The following MITD1 variants were observed in gnomAD, a reference collection of about 807,000 sequenced individuals.
MITD1 encodes the protein MIT domain-containing protein 1.
MITD1 carries 24 observed loss-of-function variants against 34.9 expected under a neutral mutation model. The observed-to-expected ratio is 0.69, with a 90% CI of 0.50 to 0.97. The LOEUF (loss-of-function observed/expected upper bound fraction) is 0.97, where lower values mean the gene tolerates loss of function less well. MITD1 is among the 50% of genes least tolerant of loss of function. MITD1 has a pLI of 0.00. For missense variants in MITD1, 266 were observed against 294.6 expected, an observed-to-expected ratio of 0.90 and a Z score of 0.71; for synonymous variants, 102 against 101.4, an observed-to-expected ratio of 1.01 and a Z score of -0.04.
chr2:99,166,403 C>G (rs1356547951), downstream of MITD1, among the ~76,000 whole-genome samples: 1 of 148,288 alleles, frequency 6.7e-6, no homozygotes, highest in Non-Finnish European at 1.5e-5. Flanking sequence ...CACTGTTGAC[C>G]TTAGCAAAAA....
At chr2:99,167,958 A>G (rs749308882), downstream of MITD1, among the ~76,000 whole-genome samples, 3 of 152,292 alleles carry the variant, frequency 2.0e-5, no homozygotes, top group Admixed American at 1.3e-4. Context: ...AACAGTGTCC[A>G]AGGCTTGCCC....
chr2:99,163,206 C>A (rs949829040), intron 7 of MITD1: 1 of 577,746 alleles, frequency 1.7e-6, no homozygotes, highest in Non-Finnish European at 2.8e-6. Context: ...ACACAACAAC[C>A]TAGTCTCTTT....
At chr2:99,165,603 A>G (rs1442014424), downstream of MITD1, among the ~76,000 whole-genome samples, 6 of 152,334 alleles carry the variant, frequency 3.9e-5, no homozygotes, top group South Asian at 1.2e-3. Flanking sequence ...TTAGACTTTT[A>G]TAATTCATCT....
intron 7 of MITD1, chr2:99,162,539 G>C: frequency 6.2e-7 from 1 of 1,614,146 alleles, no homozygotes; most frequent in African/African-American, 1.3e-5. Context: ...CTTTGCTAAA[G>C]AGCCCTTACC....
chr2:99,175,728 A>G (rs1435387775), intron 1 of MITD1, among the ~76,000 whole-genome samples: 1 of 152,046 alleles, frequency 6.6e-6, no homozygotes, highest in Admixed American at 6.5e-5. Context: ...GTGGTTTTCT[A>G]TTTCCGTCAT....
chr2:99,176,372 G>A (rs1046697419), intron 1 of MITD1, among the ~76,000 whole-genome samples: 2 of 145,394 alleles, frequency 1.4e-5, no homozygotes, highest in Admixed American at 7.0e-5. Flanking sequence ...TCGCTGTGTT[G>A]CCCAGGCTGG....
exon 8 of MITD1, chr2:99,162,074 T>C (rs775974225): frequency 6.8e-6 from 11 of 1,614,018 alleles, no homozygotes; most frequent in East Asian, 4.5e-5. Flanking sequence ...CAATTTCCAA[T>C]GATGTCTATC....
intron 1 of MITD1, 151 bp downstream of exon 1, chr2:99,180,680 G>A: frequency 1.5e-6 from 1 of 687,756 alleles, no homozygotes; most frequent in Non-Finnish European, 2.6e-6. Flanking sequence ...AAAGAAAGCG[G>A]CCCAGTTGTC....
downstream of MITD1, among the ~76,000 whole-genome samples, chr2:99,166,494 A>AAC (rs1261809664): frequency 6.6e-6 from 1 of 151,352 alleles, no homozygotes; most frequent in African/African-American, 2.4e-5. Context: ...AAGAAAAAAA[A>AAC]AAAAAAAAAC....
downstream of MITD1, chr2:99,161,918 T>C: frequency 2.7e-6 from 4 of 1,488,448 alleles, no homozygotes; most frequent in Middle Eastern, 1.8e-4. Flanking sequence ...ATGTTCCTTT[T>C]CTCGATGAAT....
At chr2:99,172,518 T>C (rs2093864486) in intron 2 of MITD1, 1 of 152,102 alleles carries the variant, frequency 6.6e-6, no homozygotes, top group African/African-American at 2.4e-5. Context: ...ATCAAGAGGA[T>C]AGATCTATTG....
chr2:99,170,188 TTAAG>T (rs906807339), intron 5 of MITD1, among the ~76,000 whole-genome samples: 10 of 152,196 alleles, frequency 6.6e-5, no homozygotes, highest in Admixed American at 1.3e-4. Flanking sequence ...TAAAGCCACA[TTAAG>T]TAAATATTAA....
downstream of MITD1, among the ~76,000 whole-genome samples, chr2:99,165,893 T>G (rs1448740105): frequency 6.6e-6 from 1 of 152,182 alleles, no homozygotes; most frequent in Non-Finnish European, 1.5e-5. Flanking sequence ...CCTGAATTTC[T>G]GGGGTAATGA....
intron 7 of MITD1, chr2:99,162,660 T>C: frequency 1.9e-6 from 3 of 1,614,086 alleles, no homozygotes; most frequent in Non-Finnish European, 2.5e-6. Context: ...TGCTACAGAG[T>C]ATGCTGCTTA....
chr2:99,177,014 C>T (rs1229900918), intron 1 of MITD1, among the ~76,000 whole-genome samples: 2 of 152,108 alleles, frequency 1.3e-5, no homozygotes. Flanking sequence ...TATATACATA[C>T]ATCTATATGT....
At chr2:99,175,269 T>C (rs1051886397) in intron 1 of MITD1, among the ~76,000 whole-genome samples, 1 of 152,230 alleles carries the variant, frequency 6.6e-6, no homozygotes, top group Non-Finnish European at 1.5e-5. Flanking sequence ...TGCTTTCTGG[T>C]CCAGGATCCC....
downstream of MITD1, among the ~76,000 whole-genome samples, chr2:99,165,384 T>A (rs534517651): frequency 3.3e-5 from 5 of 152,102 alleles, no homozygotes; most frequent in East Asian, 9.7e-4. Context: ...CTAGATTTCT[T>A]ATGAGATTGG....
chr2:99,166,544 T>C (rs558952488), downstream of MITD1, among the ~76,000 whole-genome samples: 3 of 144,138 alleles, frequency 2.1e-5, no homozygotes, highest in African/African-American at 7.7e-5. Context: ...TCATGAAGAA[T>C]GAAAAAATAG....
chr2:99,161,908 A>G (rs746244123), downstream of MITD1: 81 of 1,436,764 alleles, frequency 5.6e-5, no homozygotes, highest in Non-Finnish European at 7.7e-5. Flanking sequence ...ATAGAATTTA[A>G]TGTTCCTTTT....
Sources: gnomAD v4.1 joint callset for allele counts (sites outside exome capture counted in the v4.1 genomes callset) on GRCh38, gnomAD v4.1.1 for gene constraint, MANE v1.5 for transcripts, NCBI Gene and HGNC (gene_info 2026-07-23, HGNC 2026-07-21) for gene names.